PET100: variants seen among roughly 807,000 people sequenced by gnomAD.
PET100 encodes protein PET100 homolog, mitochondrial.
Under a neutral mutation model 13.6 loss-of-function variants are expected in PET100, and 13 were observed. The observed-to-expected ratio is 0.96, with a 90% CI of 0.62 to 1.52. The LOEUF (loss-of-function observed/expected upper bound fraction) is 1.52, where lower values mean the gene tolerates loss of function less well. PET100 is among the 40% of genes most tolerant of loss of function. The probability of loss-of-function intolerance (pLI) is 0.00; values close to 1 mark genes in which losing one functional copy is unlikely to be tolerated. For synonymous variants in PET100, 28 were observed against 30.8 expected (o/e 0.91, Z 0.30); for missense variants, 94 against 95.3 (o/e 0.99, Z 0.06).
chr19:7,630,387 C>G (rs2031251059), intron 1 of PET100, 186 bp from the exon 2 acceptor site: 1 of 600,582 alleles, frequency 1.7e-6, no homozygotes, highest in African/African-American at 1.9e-5. Context: ...AATGAGGCCT[C>G]CTGGATTATA....
intron 1 of PET100, chr19:7,630,089 G>T: frequency 1.9e-6 from 1 of 525,672 alleles, no homozygotes; most frequent in East Asian, 3.2e-5. Context: ...CTGGTCCGAG[G>T]AAGGACCTCA....
In PET100 at chr19:7,631,865, G is replaced by A. The variant is rs1409576546; in HGVS notation, c.*309G>A. 1 of 1,366,846 alleles carries A rather than the reference G, an allele frequency of 7.3e-7. No individual in the cohort carries two copies. The highest frequency in any genetic ancestry group is 9.5e-7 in the Non-Finnish European group (1 of 1,053,272). The allele number at this position is 1,366,846 out of a possible 1,614,324, so 84.7% of individuals were successfully genotyped here. On this transcript the variant is annotated 3_prime_UTR_variant, in exon 4 of 4. Transcript: ENST00000594797. The stretch of plus-strand genomic sequence containing the variant: ...GGCTCAAGGGCAGTGCCGGCCACAG[G>A]TGGCGAACAATGGAGAGAGGGTGCA...
At chr19:7,630,694 AG>A in intron 2 of PET100, 35 bp downstream of exon 2, 1 of 1,532,632 alleles carries the variant, frequency 6.5e-7, no homozygotes, top group Non-Finnish European at 8.8e-7. Flanking sequence ...GGTTCATTCC[AG>A]GGGTGGGAGA....
chr19:7,631,002 A>C, intron 3 of PET100, 156 bp downstream of exon 3: 1 of 985,180 alleles, frequency 1.0e-6, no homozygotes, highest in East Asian at 2.6e-5. Flanking sequence ...TGAGGTCAGG[A>C]GTTCAAAACC....
chr19:7,631,500 A>T lies in PET100; in HGVS notation c.166A>T (p.Arg56Trp). 6.5e-7 allele frequency: 1 copy of T among 1,535,940 alleles called. No individual in the cohort carries two copies. The highest frequency in any genetic ancestry group is 8.7e-7 in the Non-Finnish European group (1 of 1,146,608). Residue 56 changes from arginine to tryptophan, a missense_variant, in exon 4 of 4, where the codon AGG (arginine) becomes TGG (tryptophan). By Grantham distance (101) the Arg-to-Trp change is moderately radical (BLOSUM62 -3). Coordinates refer to ENST00000594797, the MANE Select transcript of PET100 (RefSeq NM_001171155.2). ...TCAAGAGATAGAGGAATTCAAAGAG[A>T]GGTTACGGAAGCGGCGGGAGGAGAA... ...KLQEIEEFKE[R>W]LRKRREEKLL...
chr19:7,631,384 G>A, intron 3 of PET100, 89 bp from the exon 4 acceptor site: 6 of 1,354,532 alleles, frequency 4.4e-6, no homozygotes, highest in Non-Finnish European at 2.0e-6. Context: ...GGGGCAGGGT[G>A]GTGGGAGAGG....
At chr19:7,630,038 T>G in intron 1 of PET100, 178 bp downstream of exon 1, 20 of 583,764 alleles carry the variant, frequency 3.4e-5, no homozygotes, top group East Asian at 1.1e-4. Flanking sequence ...GCTGGGGGGG[T>G]TCTCGGATTT....
At chr19:7,630,178 G>A in intron 1 of PET100, 1 of 465,830 alleles carries the variant, frequency 2.1e-6, no homozygotes, top group Non-Finnish European at 3.8e-6. Context: ...CGTGGTGGGT[G>A]GGTGTCTATG....
intron 1 of PET100, chr19:7,630,297 A>T: frequency 1.9e-6 from 1 of 519,820 alleles, no homozygotes; most frequent in South Asian, 2.4e-5. Flanking sequence ...TCTCGAGGAG[A>T]TGCTTTTGAT....
At position 7,631,576 on chromosome 19, in the gene PET100, T is replaced by C. The variant is rs1047346648; in HGVS notation, c.*20T>C. ...TCCTGAGGCCTCCAAGTGGGAGTCC[T>C]AGCCCCTCCCCTGATGAAATATACA... On this transcript the variant is annotated 3_prime_UTR_variant, in exon 4 of 4. Coordinates refer to ENST00000594797, the MANE Select transcript of PET100 (RefSeq NM_001171155.2). The C allele has an allele frequency of 2.6e-6, 4 of 1,527,962 alleles. No individual in the cohort carries two copies. The highest frequency in any genetic ancestry group is 3.5e-6 in the Non-Finnish European group (4 of 1,142,400). The allele number at this position is 1,527,962 out of a possible 1,614,324, so 94.7% of individuals were successfully genotyped here. A position where few individuals can be genotyped will look rare whatever the true frequency, so the allele number is the denominator to read the frequency against.
chr19:7,630,916 A>G, intron 3 of PET100, 70 bp downstream of exon 3: 2 of 1,532,078 alleles, frequency 1.3e-6, no homozygotes, highest in Non-Finnish European at 1.8e-6. Flanking sequence ...TGGGTTTTAG[A>G]TGAAAATTTT....
rs1172004393 is a variant in PET100, at chr19:7,630,660, G to A, written c.114+1G>A. 3.8e-5 allele frequency: 59 copies of A among 1,536,922 alleles called. No homozygotes were observed. The highest frequency in any genetic ancestry group is 5.1e-5 in the Non-Finnish European group (58 of 1,146,594). ...TGAGGACGATGTCATACAGCGCAAG[G>A]TGGGCATAAGAGGAGTGTTTGAGGG... On this transcript the variant is annotated splice_donor_variant, in intron 2 of 3. Transcript: ENST00000594797. LOFTEE classifies it high-confidence loss of function.
rs768159348 is a variant in PET100 at position 7,631,427 on chromosome 19, G to A, written c.139-46G>A. The A allele has an allele frequency of 8.1e-6, 12 of 1,481,656 alleles. 1 individual carries two copies. In the South Asian group the frequency reaches 1.1e-4, roughly 14 times the overall value. The allele number at this position is 1,481,656 out of a possible 1,614,324, so 91.8% of individuals were successfully genotyped here. On this transcript the variant is annotated intron_variant, in intron 3 of 3. Coordinates refer to ENST00000594797, the MANE Select transcript of PET100 (RefSeq NM_001171155.2). The stretch of plus-strand genomic sequence containing the variant: ...GGGGGGGTGGTCCCGGCTCTGAGGT[G>A]TGTGCCCCTCCCCCCTTCCTGTCCC...
Position 7,629,864 on chromosome 19 carries a change from A to C in PET100, c.27+4A>C, listed in dbSNP as rs1376234578. ...GGTGAAGCTGGAGATATTTCGGGTCAGTGGACACAGGAGTGGGTTGGGAGG... is the reference window on the plus strand; with the variant it reads ...GGTGAAGCTGGAGATATTTCGGGTCCGTGGACACAGGAGTGGGTTGGGAGG... On this transcript the variant is annotated splice_donor_region_variant and intron_variant, in intron 1 of 3. Coordinates refer to ENST00000594797, the MANE Select transcript of PET100 (RefSeq NM_001171155.2). The C allele has an allele frequency of 4.6e-6, 7 of 1,533,704 alleles. No individual in the cohort carries two copies. The highest frequency in any genetic ancestry group is 1.4e-5 in the African/African-American group (1 of 73,062).
In PET100 at chr19:7,631,455, C is replaced by T. The variant is rs547616467; in HGVS notation, c.139-18C>T. 49 of 1,531,898 alleles carry T rather than the reference C, an allele frequency of 3.2e-5. No homozygotes were observed. In the Middle Eastern group the frequency reaches 5.4e-4, roughly 17 times the overall value. The allele number at this position is 1,531,898 out of a possible 1,614,324, so 94.9% of individuals were successfully genotyped here. A position where few individuals can be genotyped will look rare whatever the true frequency, so the allele number is the denominator to read the frequency against. On this transcript the variant is annotated intron_variant, in intron 3 of 3. Transcript: ENST00000594797. ...TGCCCCTCCCCCCTTCCTGTCCCACCCGCTTCTCCACCCCTAGCTTCAAGA... is the reference window on the plus strand; with the variant it reads ...TGCCCCTCCCCCCTTCCTGTCCCACTCGCTTCTCCACCCCTAGCTTCAAGA...
chr19:7,631,136 A>G, intron 3 of PET100: 1 of 848,112 alleles, frequency 1.2e-6, no homozygotes, highest in Non-Finnish European at 1.7e-6. Context: ...TGAACCCAGG[A>G]GGTGGAGGTT....
At chr19:7,631,314 AC>A (rs747516750) in intron 3 of PET100, 158 bp from the exon 4 acceptor site, 189 of 1,401,304 alleles carry the variant, frequency 1.3e-4, no homozygotes, top group Non-Finnish European at 1.6e-4. Context: ...TCCCACGCGG[AC>A]CCCTTTGTAA....
chr19:7,631,367 G>A (rs531565976), intron 3 of PET100, 106 bp from the exon 4 acceptor site: 94 of 1,370,346 alleles, frequency 6.9e-5, no homozygotes, highest in South Asian at 1.2e-4. Context: ...CCCTGAAGCC[G>A]TGGTCTGGGG....
Position 7,631,822 on chromosome 19 carries a change from G to T in PET100, c.*266G>T. The T allele has an allele frequency of 7.2e-7, 1 of 1,387,284 alleles. No individual in the cohort carries two copies. Among genetic ancestry groups the T allele is most frequent in the Middle Eastern group, 2.1e-4 (1 of 4,846 alleles). The allele number at this position is 1,387,284 out of a possible 1,614,324, so 85.9% of individuals were successfully genotyped here. ...CTGTGCTCCGTCCTGTGGATGAAGA[G>T]GGGTCAGCCAGGGGGAGGGCTCAAG... On this transcript the variant is annotated 3_prime_UTR_variant, in exon 4 of 4. Coordinates refer to ENST00000594797, the MANE Select transcript of PET100 (RefSeq NM_001171155.2).
Sources: gnomAD v4.1 joint callset for allele counts on GRCh38, gnomAD v4.1.1 for gene constraint, MANE v1.5 for transcripts, NCBI Gene and HGNC (gene_info 2026-07-23, HGNC 2026-07-21) for gene names.